Variants in NGEF observed in about 807,000 individuals in gnomAD.
The protein encoded by NGEF is neuronal guanine nucleotide exchange factor.
NGEF carries 31 observed loss-of-function variants against 80.9 expected under a neutral mutation model. The observed-to-expected ratio is 0.38, with a 90% CI of 0.29 to 0.52. NGEF has a LOEUF of 0.52. NGEF is among the 20% of genes least tolerant of loss of function. NGEF has a pLI of 0.84. For missense variants in NGEF, 709 were observed against 926.2 expected, an observed-to-expected ratio of 0.77 and a Z score of 3.04; for synonymous variants, 371 against 370.2, an observed-to-expected ratio of 1.00 and a Z score of -0.03.
intron 12 of NGEF, among the ~76,000 whole-genome samples, chr2:232,883,005 G>C (rs1691557226): frequency 6.6e-6 from 1 of 151,880 alleles, no homozygotes. Context: ...GTTCTCAAAG[G>C]GCTCATCCAA....
chr2:232,999,273 T>C (rs1694921331), intron 1 of NGEF, among the ~76,000 whole-genome samples: 1 of 152,094 alleles, frequency 6.6e-6, no homozygotes. Flanking sequence ...TTTTGGTGTA[T>C]AAAGAATCAA....
chr2:232,885,621 T>A, intron 9 of NGEF: 1 of 513,414 alleles, frequency 1.9e-6, no homozygotes, highest in Non-Finnish European at 3.5e-6. Context: ...GGAAGCAAAC[T>A]CCAGAAAACA....
intron 1 of NGEF, among the ~76,000 whole-genome samples, chr2:233,008,829 T>G (rs1316055792): frequency 6.6e-6 from 1 of 151,522 alleles, no homozygotes; most frequent in African/African-American, 2.4e-5. Context: ...TGAGACGGAG[T>G]CTTGCTCTGT....
intron 1 of NGEF, among the ~76,000 whole-genome samples, chr2:232,975,264 A>G (rs557853997): frequency 4.3e-4 from 66 of 152,316 alleles, no homozygotes; most frequent in Middle Eastern, 6.8e-3. Flanking sequence ...CCAGAGAAAA[A>G]GGGTGGCAGA....
chr2:232,900,717 C>T (rs963784963), intron 5 of NGEF, among the ~76,000 whole-genome samples: 8 of 142,918 alleles, frequency 5.6e-5, no homozygotes, highest in Admixed American at 2.1e-4. Context: ...TTCACACACA[C>T]GCTCTCAGTC....
At chr2:233,000,725 A>T (rs1261619700) in intron 1 of NGEF, among the ~76,000 whole-genome samples, 3 of 149,378 alleles carry the variant, frequency 2.0e-5, no homozygotes, top group African/African-American at 5.0e-5. Context: ...GCGCCACTGC[A>T]CTCCAGCTCG....
chr2:232,962,912 T>C (rs1693982786), intron 3 of NGEF, among the ~76,000 whole-genome samples: 1 of 151,982 alleles, frequency 6.6e-6, no homozygotes, highest in Non-Finnish European at 1.5e-5. Flanking sequence ...ATATGTTGTT[T>C]TGAAATATAC....
At chr2:232,922,288 A>G (rs1692963059) in intron 4 of NGEF, among the ~76,000 whole-genome samples, 1 of 152,242 alleles carries the variant, frequency 6.6e-6, no homozygotes, top group Non-Finnish European at 1.5e-5. Flanking sequence ...AAAATCCTGA[A>G]TGAGGCTGGA....
At chr2:232,962,228 T>A (rs1032275026) in intron 3 of NGEF, among the ~76,000 whole-genome samples, 40 of 152,122 alleles carry the variant, frequency 2.6e-4, no homozygotes, top group African/African-American at 8.7e-4. Context: ...CAAATAGAAG[T>A]CGTGACTATT....
At position 232,974,849 on chromosome 2, in the gene NGEF, C is replaced by A. The variant is rs746298365; in HGVS notation, c.42G>T (p.Arg14Ser). 2 of 1,613,972 alleles carry A rather than the reference C, an allele frequency of 1.2e-6. No homozygotes were observed. The highest frequency in any genetic ancestry group is 1.7e-6 in the Non-Finnish European group (2 of 1,179,996). The change falls in exon 2 of 15, where the codon AGG becomes AGT. Residue 14 changes from arginine to serine, a missense_variant. Transcript: ENST00000264051. ...RESEDLEKTR[R>S]KSASDQWNTD... Reference sequence around the variant, plus strand: ...TGTTCCATTGATCACTTGCTGATTTCCTCCGGGTCTTTTCCAAATCTTCAG... The same window carrying A: ...TGTTCCATTGATCACTTGCTGATTTACTCCGGGTCTTTTCCAAATCTTCAG...
At chr2:232,880,523 CAGG>C (rs1416915808) in intron 14 of NGEF, among the ~76,000 whole-genome samples, 10 of 152,216 alleles carry the variant, frequency 6.6e-5, no homozygotes, top group Non-Finnish European at 7.3e-5. Context: ...CAGGACCCGG[CAGG>C]AGGAGAGGAA....
At chr2:232,976,626 G>T (rs1038251776) in intron 1 of NGEF, among the ~76,000 whole-genome samples, 1 of 152,188 alleles carries the variant, frequency 6.6e-6, no homozygotes, top group African/African-American at 2.4e-5. Flanking sequence ...CCCTAGGATG[G>T]CACCTCCTTC....
At chr2:232,881,087 G>T in intron 14 of NGEF, 59 bp downstream of exon 14, 1 of 1,372,612 alleles carries the variant, frequency 7.3e-7, no homozygotes, top group African/African-American at 1.4e-5. Flanking sequence ...CCCCCTCCCC[G>T]TCATCCCTTG....
chr2:232,981,338 G>C (rs1049041950), intron 1 of NGEF, among the ~76,000 whole-genome samples: 1 of 151,426 alleles, frequency 6.6e-6, no homozygotes, highest in East Asian at 1.9e-4. Flanking sequence ...GCCCTTTCCC[G>C]AAAAGACCCC....
At chr2:233,012,437 G>C (rs1041339287) in intron 1 of NGEF, among the ~76,000 whole-genome samples, 1 of 152,238 alleles carries the variant, frequency 6.6e-6, no homozygotes, top group African/African-American at 2.4e-5. Flanking sequence ...AGGGCCTTCT[G>C]TCTTTCTGAA....
intron 4 of NGEF, among the ~76,000 whole-genome samples, chr2:232,923,261 A>G (rs1432793038): frequency 6.6e-6 from 1 of 152,182 alleles, no homozygotes; most frequent in East Asian, 1.9e-4. Context: ...AGAGACAAAA[A>G]TATCAGCATT....
At chr2:232,959,913 T>C (rs4499416) in intron 3 of NGEF, among the ~76,000 whole-genome samples, 90,780 of 152,106 alleles carry the variant, frequency 0.6, 27,784 homozygotes, top group African/African-American at 0.72. Flanking sequence ...CCATGGATGA[T>C]AGTCACAATG....
chr2:232,928,360 C>T (rs1221520344), intron 3 of NGEF, among the ~76,000 whole-genome samples: 1 of 151,372 alleles, frequency 6.6e-6, no homozygotes, highest in Non-Finnish European at 1.5e-5. Flanking sequence ...TGCCCCGACC[C>T]GGAGAGGGGC....
intron 5 of NGEF, among the ~76,000 whole-genome samples, chr2:232,906,394 TGG>T (rs1338088228): frequency 1.1e-5 from 1 of 87,496 alleles, no homozygotes; most frequent in African/African-American, 4.4e-5. Context: ...GGGAGGGAGG[TGG>T]GGGGGTCAGC....
Sources: allele counts gnomAD v4.1 joint callset (sites outside exome capture counted in the v4.1 genomes callset), GRCh38; gene constraint gnomAD v4.1.1; transcripts MANE v1.5; gene names NCBI Gene and HGNC (gene_info 2026-07-23, HGNC 2026-07-21).